Variants in GPR158 observed in about 807,000 individuals in gnomAD.
GPR158 encodes the protein metabotropic glycine receptor.
Under a neutral mutation model 78.2 loss-of-function variants are expected in GPR158, and 30 were observed. The observed-to-expected ratio is 0.38, with a 90% CI of 0.29 to 0.52. The LOEUF is 0.52. GPR158 is among the 20% of genes least tolerant of loss of function. The pLI is 0.83. For synonymous variants in GPR158, 581 were observed against 591.1 expected (o/e 0.98, Z 0.25); for missense variants, 1,463 against 1,523.5 (o/e 0.96, Z 0.66).
At chr10:25,367,995 T>G (rs1833917707) in intron 2 of GPR158, among the ~76,000 whole-genome samples, 1 of 151,866 alleles carries the variant, frequency 6.6e-6, no homozygotes, top group African/African-American at 2.4e-5. Flanking sequence ...TCATGGAAAC[T>G]TCAAGTGCCA....
intron 2 of GPR158, among the ~76,000 whole-genome samples, chr10:25,230,526 AC>A (rs1202992623): frequency 6.6e-6 from 1 of 152,176 alleles, no homozygotes; most frequent in Admixed American, 6.5e-5. Flanking sequence ...TTGAAACCTT[AC>A]TTTTTGAAGA....
chr10:25,524,104 A>G (rs1025663807), intron 5 of GPR158, among the ~76,000 whole-genome samples: 2 of 152,228 alleles, frequency 1.3e-5, no homozygotes, highest in Admixed American at 1.3e-4. Flanking sequence ...TACAAATCTA[A>G]TAAAAGAAGT....
At chr10:25,282,549 C>T (rs1454050826) in intron 2 of GPR158, among the ~76,000 whole-genome samples, 1 of 152,142 alleles carries the variant, frequency 6.6e-6, no homozygotes, top group Non-Finnish European at 1.5e-5. Flanking sequence ...AAGAGACACA[C>T]TGTTTTCCAA....
At chr10:25,400,617 G>A (rs1183076769) in intron 3 of GPR158, among the ~76,000 whole-genome samples, 9 of 152,146 alleles carry the variant, frequency 5.9e-5, no homozygotes, top group Admixed American at 1.3e-4. Flanking sequence ...AAGTACTGAT[G>A]TTTCACTGTC....
chr10:25,311,590 G>A (rs1417791675), intron 2 of GPR158, among the ~76,000 whole-genome samples: 1 of 151,844 alleles, frequency 6.6e-6, no homozygotes, highest in African/African-American at 2.4e-5. Context: ...TTCAGAAATT[G>A]CGAATTGAGA....
At chr10:25,267,320 C>T (rs1854056874) in intron 2 of GPR158, among the ~76,000 whole-genome samples, 2 of 152,092 alleles carry the variant, frequency 1.3e-5, no homozygotes, top group South Asian at 2.1e-4. Flanking sequence ...CCTTATTCAC[C>T]TTATTGACAT....
chr10:25,537,854 C>T (rs1836520512), intron 5 of GPR158, among the ~76,000 whole-genome samples: 2 of 152,076 alleles, frequency 1.3e-5, no homozygotes, highest in African/African-American at 4.8e-5. Context: ...GTAAGATGTG[C>T]CTGCTTCCCC....
chr10:25,421,457 T>C (rs1834750190), intron 4 of GPR158, among the ~76,000 whole-genome samples: 1 of 152,188 alleles, frequency 6.6e-6, no homozygotes, highest in Non-Finnish European at 1.5e-5. Context: ...GTAGCATTTC[T>C]TGTACCTTTA....
chr10:25,379,815 GT>G (rs1387190314), intron 2 of GPR158, among the ~76,000 whole-genome samples: 1 of 151,536 alleles, frequency 6.6e-6, no homozygotes, highest in Non-Finnish European at 1.5e-5. Context: ...TGCATTCTCA[GT>G]CTTCCCCCAG....
intron 1 of GPR158, among the ~76,000 whole-genome samples, chr10:25,210,777 C>T (rs965112542): frequency 6.6e-6 from 1 of 152,144 alleles, no homozygotes; most frequent in African/African-American, 2.4e-5. Context: ...AAATTTTAGA[C>T]ATTACAAAAT....
At position 25,294,278 on chromosome 10, in the gene GPR158, T is replaced by C. The variant is rs932788898; in HGVS notation, c.1008+73121T>C. Among the ~76,000 whole-genome samples, 3 of 152,196 alleles carry C rather than the reference T, an allele frequency of 2.0e-5. No individual in the cohort carries two copies. The South Asian group carries it at 6.2e-4, about 32-fold the overall frequency. On this transcript the variant is annotated intron_variant, in intron 2 of 10. Coordinates refer to ENST00000376351, the MANE Select transcript of GPR158 (RefSeq NM_020752.3). ...AAATAAAACATCTTTAGTAGGATGA[T>C]AGTGGGAGAAACTTTGTGAGTCATA... is the stretch of plus-strand genomic sequence containing the variant.
intron 3 of GPR158, among the ~76,000 whole-genome samples, chr10:25,410,349 G>T (rs926521453): frequency 1.3e-5 from 2 of 152,174 alleles, no homozygotes; most frequent in Non-Finnish European, 2.9e-5. Context: ...CAGGTGCGGT[G>T]GCTCACACCT....
At chr10:25,445,612 T>G (rs997474304) in intron 4 of GPR158, among the ~76,000 whole-genome samples, 3 of 152,162 alleles carry the variant, frequency 2.0e-5, no homozygotes, top group African/African-American at 7.2e-5. Context: ...TCTGTTATAA[T>G]AGTTTCCAGG....
Position 25,556,585 on chromosome 10 carries a change from A to G in GPR158, c.1514+5500A>G, listed in dbSNP as rs533422067. ...TAAGTGGAGAATTACTCATAGCGAC[A>G]TTTCTTAAGAACCACGGGATTCACC... On this transcript the variant is annotated intron_variant, in intron 6 of 10. Transcript: ENST00000376351. Among the ~76,000 whole-genome samples, 8 of 152,254 alleles carry G rather than the reference A, an allele frequency of 5.3e-5. No homozygotes were observed. The South Asian group carries it at 8.3e-4, about 16-fold the overall frequency.
chr10:25,392,283 C>T (rs1035768552), intron 2 of GPR158, among the ~76,000 whole-genome samples: 4 of 152,184 alleles, frequency 2.6e-5, no homozygotes, highest in Non-Finnish European at 5.9e-5. Flanking sequence ...AGCTGGTGTG[C>T]CTTGCTGCAC....
chr10:25,241,189 C>CCTTT lies in GPR158; in HGVS notation c.1008+20042_1008+20045dup, dbSNP rs1357175853. ...TCTTTCTTTCTTTCTTTCTTTCTTT[C>CCTTT]CTTTCTTTCTTTCCTTTCTTTCCTT... On this transcript the variant is annotated intron_variant, in intron 2 of 10. Transcript: ENST00000376351. Among the ~76,000 whole-genome samples, 5 of 56,108 alleles carry CCTTT rather than the reference C, an allele frequency of 8.9e-5. No individual in the cohort carries two copies. In the South Asian group the frequency reaches 2.0e-3, roughly 22 times the overall value. The allele number at this position is 56,108 out of a possible 152,430, so 36.8% of individuals were successfully genotyped here.
At chr10:25,194,719 C>T (rs1852822121) in intron 1 of GPR158, among the ~76,000 whole-genome samples, 1 of 152,048 alleles carries the variant, frequency 6.6e-6, no homozygotes, top group African/African-American at 2.4e-5. Flanking sequence ...TCATTAGCTT[C>T]TCCAATATGA....
At chr10:25,551,141 G>A (rs1219492555) in intron 6 of GPR158, 56 bp downstream of exon 6, 2 of 983,572 alleles carry the variant, frequency 2.0e-6, no homozygotes, top group East Asian at 2.4e-5. Flanking sequence ...AATCAGCTTG[G>A]CACATAATTG....
intron 2 of GPR158, among the ~76,000 whole-genome samples, chr10:25,270,198 T>C (rs1854099978): frequency 6.6e-6 from 1 of 152,138 alleles, no homozygotes; most frequent in Non-Finnish European, 1.5e-5. Flanking sequence ...TTATTACACA[T>C]TTAGTATCAA....
Sources: gnomAD v4.1 joint callset for allele counts (sites outside exome capture counted in the v4.1 genomes callset) on GRCh38, gnomAD v4.1.1 for gene constraint, MANE v1.5 for transcripts, NCBI Gene and HGNC (gene_info 2026-07-23, HGNC 2026-07-21) for gene names.